The following HS1BP3 variants were observed in gnomAD, a reference collection of about 807,000 sequenced individuals.
HS1BP3 encodes the protein HCLS1-binding protein 3.
A neutral mutation model predicts 33.5 loss-of-function variants in HS1BP3; 32 were observed. The ratio of observed to expected loss-of-function variants is 0.95; its 90% confidence interval spans 0.72 to 1.28. HS1BP3 has a LOEUF of 1.28. Among genes scored for constraint, HS1BP3 ranks in the 50% most tolerant of loss-of-function variants. The pLI is 0.00. For synonymous variants in HS1BP3, 187 were observed against 209.2 expected, an observed-to-expected ratio of 0.89 and a Z score of 0.92; for missense variants, 486 against 502.3, an observed-to-expected ratio of 0.97 and a Z score of 0.31.
At chr2:20,630,954 G>A (rs768309437) in intron 4 of HS1BP3, among the ~76,000 whole-genome samples, 9 of 152,202 alleles carry the variant, frequency 5.9e-5, no homozygotes, top group African/African-American at 2.2e-4. Context: ...GGCCTTTGCT[G>A]AGAGAGGAGC....
chr2:20,603,780 G>A (rs1694118078), intron 2 of HS1BP3, among the ~76,000 whole-genome samples: 1 of 152,222 alleles, frequency 6.6e-6, no homozygotes, highest in Non-Finnish European at 1.5e-5. Context: ...CATAATGGAA[G>A]CCACCATGCT....
intron 4 of HS1BP3, among the ~76,000 whole-genome samples, chr2:20,626,729 AC>A (rs1344790165): frequency 1.3e-5 from 2 of 151,972 alleles, no homozygotes; most frequent in Non-Finnish European, 2.9e-5. Context: ...GCTGTGCACC[AC>A]CCTCAGGCCC....
chr2:20,565,462 C>T (rs1009238217), intron 5 of HS1BP3, among the ~76,000 whole-genome samples: 8 of 152,212 alleles, frequency 5.3e-5, no homozygotes, highest in Admixed American at 4.6e-4. Context: ...TTAATGATCT[C>T]GACAGAGTGG....
intron 2 of HS1BP3, among the ~76,000 whole-genome samples, chr2:20,600,403 G>A (rs908406015): frequency 1.3e-5 from 2 of 152,162 alleles, no homozygotes; most frequent in African/African-American, 4.8e-5. Context: ...AGTCGCAACG[G>A]CCCTAGCAGG....
chr2:20,558,167 T>C (rs1212154459), downstream of HS1BP3, among the ~76,000 whole-genome samples: 3 of 151,896 alleles, frequency 2.0e-5, no homozygotes, highest in African/African-American at 7.3e-5. Context: ...AGAGGGGAGA[T>C]GAGATAATTT....
intron 5 of HS1BP3, among the ~76,000 whole-genome samples, chr2:20,587,475 G>A (rs950541118): frequency 2.0e-4 from 30 of 152,198 alleles, no homozygotes; most frequent in African/African-American, 6.5e-4. Flanking sequence ...GAGGGTAGAG[G>A]TGAGGCTGGG....
At chr2:20,642,633 G>C (rs546417729) in intron 2 of HS1BP3, among the ~76,000 whole-genome samples, 2 of 152,184 alleles carry the variant, frequency 1.3e-5, no homozygotes, top group Non-Finnish European at 2.9e-5. Context: ...ATCCAGGCTC[G>C]GGGAACCTCC....
intron 5 of HS1BP3, among the ~76,000 whole-genome samples, chr2:20,585,242 C>T (rs1176269277): frequency 2.0e-5 from 3 of 152,212 alleles, no homozygotes; most frequent in Admixed American, 6.5e-5. Context: ...CTCACAAGCA[C>T]GGCTCACATC....
At chr2:20,568,902 AAGG>A (rs1038338567) in intron 5 of HS1BP3, among the ~76,000 whole-genome samples, 45 of 152,220 alleles carry the variant, frequency 3.0e-4, no homozygotes, top group Admixed American at 4.6e-4. Flanking sequence ...TACTGCTGGC[AAGG>A]AGATTGCCCT....
At chr2:20,640,674 G>A in intron 3 of HS1BP3, 1 of 578,002 alleles carries the variant, frequency 1.7e-6, no homozygotes, top group East Asian at 2.8e-5. Context: ...GTCAGTCGGG[G>A]GGTGTCGGGC....
At chr2:20,565,336 C>A (rs1457134878) in intron 5 of HS1BP3, among the ~76,000 whole-genome samples, 1 of 152,230 alleles carries the variant, frequency 6.6e-6, no homozygotes, top group African/African-American at 2.4e-5. Flanking sequence ...GCTCCTCCAC[C>A]AGATGGACCA....
chr2:20,623,473 G>C (rs73235079), intron 6 of HS1BP3: 4 of 154,404 alleles, frequency 2.6e-5, no homozygotes, highest in Non-Finnish European at 4.3e-5. Flanking sequence ...CGGGCCCTCC[G>C]GCAGAGAGGC....
the HS1BP3 span, among the ~76,000 whole-genome samples, chr2:20,555,401 G>T: frequency 4.4e-3 from 672 of 152,330 alleles, 10 homozygotes; most frequent in African/African-American, 0.016. Flanking sequence ...TGACAAGTTG[G>T]TGACAGCAGA....
chr2:20,584,675 C>T (rs1331317983), intron 5 of HS1BP3, among the ~76,000 whole-genome samples: 1 of 152,134 alleles, frequency 6.6e-6, no homozygotes, highest in East Asian at 1.9e-4. Flanking sequence ...GAATTTGCCC[C>T]CCAAGTGACA....
chr2:20,575,723 G>T (rs1016105942), intron 5 of HS1BP3, among the ~76,000 whole-genome samples: 1 of 151,046 alleles, frequency 6.6e-6, no homozygotes, highest in African/African-American at 2.4e-5. Context: ...TCTTCCACAC[G>T]GGGGCCTGGC....
At chr2:20,624,155 C>A in intron 5 of HS1BP3, 124 bp from the exon 6 acceptor site, 4 of 1,181,098 alleles carry the variant, frequency 3.4e-6, no homozygotes, top group Non-Finnish European at 2.3e-6. Flanking sequence ...TGCCTCTGCT[C>A]AACCTGTCAT....
At chr2:20,584,646 C>A (rs545402861) in intron 5 of HS1BP3, among the ~76,000 whole-genome samples, 1 of 151,412 alleles carries the variant, frequency 6.6e-6, no homozygotes, top group Non-Finnish European at 1.5e-5. Context: ...TGGTTTGGTC[C>A]GCTAACTGCT....
In HS1BP3 at chr2:20,619,017, T is replaced by C; in HGVS notation, c.1149A>G (p.Thr383=). Residue 383 remains threonine, a synonymous_variant, in exon 7 of 7, where the codon ACA becomes ACG. Coordinates refer to ENST00000304031, the MANE Select transcript of HS1BP3 (RefSeq NM_022460.4). ...AGAGGCTGGGGGCGGCCTGGGCTGG[T>C]GTATCGTGGTCCTGGATGTACTGCA... is the stretch of plus-strand genomic sequence containing the variant. The part of the protein sequence containing the change: ...DILQYIQDHD[T]PAQAAPSLF 1 of 1,613,992 alleles carries C rather than the reference T, an allele frequency of 6.2e-7. No homozygotes were observed. The highest frequency in any genetic ancestry group is 1.1e-5 in the South Asian group (1 of 91,066).
chr2:20,649,017 G>A (rs923890884), intron 1 of HS1BP3, among the ~76,000 whole-genome samples: 1 of 152,092 alleles, frequency 6.6e-6, no homozygotes, highest in Non-Finnish European at 1.5e-5. Flanking sequence ...CCATCACCCC[G>A]GGCCAAGCCA....
Sources: gnomAD v4.1 joint callset for allele counts (sites outside exome capture counted in the v4.1 genomes callset) on GRCh38, gnomAD v4.1.1 for gene constraint, MANE v1.5 for transcripts, NCBI Gene and HGNC (gene_info 2026-07-23, HGNC 2026-07-21) for gene names.